The following ABCA3 variants were observed in gnomAD, a reference collection of about 807,000 sequenced individuals.
ABCA3 encodes the protein ATP binding cassette subfamily A member 3, also known as phospholipid-transporting ATPase ABCA3.
A neutral mutation model predicts 172.8 loss-of-function variants in ABCA3; 88 were observed. The ratio of observed to expected loss-of-function variants is 0.51; its 90% CI spans 0.43 to 0.61. ABCA3 has a LOEUF of 0.61. ABCA3 is among the 20% of genes least tolerant of loss of function. The pLI, the probability that ABCA3 is intolerant of heterozygous loss-of-function variation, is 0.00. For missense variants in ABCA3, 2,164 were observed against 2,301.0 expected (o/e 0.94, Z 1.22); for synonymous variants, 1,066 against 983.8 (o/e 1.08, Z -1.56).
intron 19 of ABCA3, 130 bp from the exon 20 acceptor site, chr16:2,289,750 T>C: frequency 1.1e-6 from 1 of 950,968 alleles, no homozygotes; most frequent in Admixed American, 2.3e-5. Context: ...TCTGCTTATG[T>C]GTTTCCTCAC....
intron 20 of ABCA3, chr16:2,289,209 G>A: frequency 1.7e-6 from 1 of 596,280 alleles, no homozygotes; most frequent in South Asian, 2.0e-5. Context: ...TGTTGAGCAG[G>A]GTGCTGTGCC....
At chr16:2,337,776 G>A (rs2093754196) in intron 1 of ABCA3, among the ~76,000 whole-genome samples, 1 of 152,214 alleles carries the variant, frequency 6.6e-6, no homozygotes, top group African/African-American at 2.4e-5. Flanking sequence ...TGGGGAGGCT[G>A]GTTTGAGGCT....
chr16:2,331,720 G>A lies in ABCA3; in HGVS notation c.-538-1866C>T, dbSNP rs541154826. Among the ~76,000 whole-genome samples the A allele has an allele frequency of 5.9e-5, 9 of 152,376 alleles. No individual in the cohort carries two copies. The South Asian group carries it at 1.9e-3, about 32-fold the overall frequency. ...ATGTTCCTTCTGCACTTGACGCCGAGGCGGCAGAGTCTCCAGAAGTGCTGA... is the reference window on the plus strand; with the variant it reads ...ATGTTCCTTCTGCACTTGACGCCGAAGCGGCAGAGTCTCCAGAAGTGCTGA... On this transcript the variant is annotated intron_variant, in intron 1 of 32. Coordinates refer to ENST00000301732, the MANE Select transcript of ABCA3 (RefSeq NM_001089.3).
chr16:2,291,757 G>T (rs982047517), intron 19 of ABCA3, among the ~76,000 whole-genome samples: 1 of 152,190 alleles, frequency 6.6e-6, no homozygotes, highest in Non-Finnish European at 1.5e-5. Flanking sequence ...CATAACCGAG[G>T]TGACTGTTTA....
chr16:2,290,885 T>C (rs897646222), intron 19 of ABCA3, among the ~76,000 whole-genome samples: 1 of 152,188 alleles, frequency 6.6e-6, no homozygotes, highest in African/African-American at 2.4e-5. Flanking sequence ...TTCTTTTTCT[T>C]TTGACACAGG....
rs71148126 is a variant in ABCA3, at chr16:2,293,367, C to CTT, written c.2415-1131_2415-1130dup. 7.1e-3 allele frequency among the ~76,000 whole-genome samples: 736 copies of CTT among 103,354 alleles called. 7 individuals are homozygous for CTT. Among genetic ancestry groups the CTT allele is most frequent in the East Asian group, 9.5e-3 (31 of 3,272 alleles). 67.8% of individuals were successfully genotyped at this position (103,354 alleles called of 152,430 possible). On this transcript the variant is annotated intron_variant, in intron 18 of 32. Coordinates refer to ENST00000301732, the MANE Select transcript of ABCA3 (RefSeq NM_001089.3). ...AAGCTACCGTGCCTGGCCAAAATGC[C>CTT]TTTTTTTTTTTTTTTTTTTTTGGAG...
At chr16:2,338,814 G>A (rs897280098) in intron 1 of ABCA3, among the ~76,000 whole-genome samples, 2 of 149,434 alleles carry the variant, frequency 1.3e-5, no homozygotes, top group Admixed American at 1.3e-4. Context: ...GAGGGCAGTG[G>A]TGCCATCTCA....
rs1310480567 is a variant in ABCA3, at chr16:2,284,116, C to T, written c.3862+163G>A. The stretch of plus-strand genomic sequence containing the variant: ...GGTACAGGGCCTGGGAGCGAGCGGG[C>T]GCGAGGGGGCTGCTGTGGGAGGTGG... On this transcript the variant is annotated intron_variant, in intron 25 of 32. Coordinates refer to ENST00000301732, the MANE Select transcript of ABCA3 (RefSeq NM_001089.3). This position sits in a 1 kb window ranked among gnomAD's most constrained non-coding sequence, Gnocchi z 5.9. 12 of 843,148 alleles carry T rather than the reference C, an allele frequency of 1.4e-5. No homozygotes were observed. The highest frequency in any genetic ancestry group is 2.8e-5 in the East Asian group (1 of 36,292). The allele number at this position is 843,148 out of a possible 1,614,324, so 52.2% of individuals were successfully genotyped here. A position where few individuals can be genotyped will look rare whatever the true frequency, so the allele number is the denominator to read the frequency against.
In ABCA3 at chr16:2,285,654, G is replaced by A. The variant is rs750840099; in HGVS notation, c.3279-8C>T. ...TCGAATCCCTTCCGGCCCCTGCGGG[G>A]GACAGAGAAGGTCAGGGACGGAGCA... is the stretch of plus-strand genomic sequence containing the variant. On this transcript the variant is annotated splice_polypyrimidine_tract_variant and splice_region_variant and intron_variant, in intron 22 of 32. Coordinates refer to ENST00000301732, the MANE Select transcript of ABCA3 (RefSeq NM_001089.3). The surrounding 1 kb of genome is among the most constrained non-coding windows in gnomAD (Gnocchi z 4.7). The A allele has an allele frequency of 6.4e-6, 10 of 1,551,484 alleles. No individual in the cohort carries two copies. In the South Asian group the frequency reaches 7.1e-5, roughly 11 times the overall value.
chr16:2,308,508 G>C lies in ABCA3; in HGVS notation c.1227C>G (p.Leu409=). Residue 409 remains leucine (L), a synonymous_variant, in exon 11 of 33, where the codon CTC becomes CTG. Coordinates refer to ENST00000301732, the MANE Select transcript of ABCA3 (RefSeq NM_001089.3). ...MTLSQKLCSC[L]LSNVAMAMGA... ...CCATTGCCATGGCGACATTAGACAG[G>C]AGGCAGGAGCAGAGCTTCTGGCTCA... is the stretch of plus-strand genomic sequence containing the variant. 6.2e-7 allele frequency: 1 copy of C among 1,614,242 alleles called. No homozygotes were observed. Among genetic ancestry groups the C allele is most frequent in the Non-Finnish European group, 8.5e-7 (1 of 1,180,046 alleles).
At chr16:2,318,956 CTTT>C (rs537374336) in intron 8 of ABCA3, among the ~76,000 whole-genome samples, 1 of 147,586 alleles carries the variant, frequency 6.8e-6, no homozygotes, top group South Asian at 2.1e-4. Flanking sequence ...TATGTGCACA[CTTT>C]TTTTTTTTTC....
At chr16:2,332,186 G>A (rs970161380) in intron 1 of ABCA3, 33 of 349,672 alleles carry the variant, frequency 9.4e-5, no homozygotes, top group Non-Finnish European at 1.4e-4. Context: ...CTCTTCAGGC[G>A]GCCAGTGCTC....
At position 2,277,617 on chromosome 16, in the gene ABCA3, G is replaced by A. The variant is rs764785563; in HGVS notation, c.4963C>T (p.Arg1655Cys). 9 of 1,612,986 alleles carry A rather than the reference G, an allele frequency of 5.6e-6. No individual in the cohort carries two copies. Among genetic ancestry groups the A allele is most frequent in the Admixed American group, 1.7e-5 (1 of 59,992 alleles). ...CTCACCTTCGCCCAGCTGAGGTCACGGCCCGGCAGGTGGTAATGGACCATG... is the reference window on the plus strand; with the variant it reads ...CTCACCTTCGCCCAGCTGAGGTCACAGCCCGGCAGGTGGTAATGGACCATG... The part of the protein sequence containing the change: ...QGMVHYHLPG[R>C]DLSWAKVFGI... The change falls in exon 32 of 33, where the codon CGT becomes TGT. Residue 1655 changes from arginine to cysteine, a missense_variant. Physicochemically the swap from Arg to Cys is radical, Grantham distance 180 (BLOSUM62 -3). Coordinates refer to ENST00000301732, the MANE Select transcript of ABCA3 (RefSeq NM_001089.3). The surrounding 1 kb of genome is among the most constrained non-coding windows in gnomAD (Gnocchi z 5.3).
At chr16:2,326,588 C>G in intron 3 of ABCA3, 96 bp from the exon 4 acceptor site, 1 of 1,310,300 alleles carries the variant, frequency 7.6e-7, no homozygotes, top group East Asian at 2.5e-5. Context: ...TCCTCCATGT[C>G]TCTCACCTTC....
intron 10 of ABCA3, among the ~76,000 whole-genome samples, chr16:2,316,522 A>AAAAAAAAT (rs1371863647): frequency 7.7e-6 from 1 of 129,238 alleles, no homozygotes; most frequent in African/African-American, 2.8e-5. Context: ...AAAAAAAAAA[A>AAAAAAAAT]AAAAAATTAG....
rs368631015 is a variant in ABCA3 at position 2,283,307 on chromosome 16, C to T, written c.3914G>A (p.Arg1305Gln). The T allele has an allele frequency of 5.6e-5, 90 of 1,613,080 alleles. 1 individual carries two copies. Among genetic ancestry groups the T allele is most frequent in the Middle Eastern group, 1.6e-4 (1 of 6,072 alleles). Reference sequence around the variant, plus strand: ...TGAGGCGGCCATGGAGGCCACAAACCGGCCGACCCCCGGGGCGCTCCAGGC... The same window carrying T: ...TGAGGCGGCCATGGAGGCCACAAACTGGCCGACCCCCGGGGCGCTCCAGGC... ...FYAWSAPGVG[R>Q]FVASMAASGC... Residue 1305 changes from arginine to glutamine, a missense_variant, in exon 26 of 33, where the codon CGG becomes CAG. Physicochemically the swap from Arg to Gln is conservative, Grantham distance 43 (BLOSUM62 1). Coordinates refer to ENST00000301732, the MANE Select transcript of ABCA3 (RefSeq NM_001089.3). This position sits in a 1 kb window ranked among gnomAD's most constrained non-coding sequence, Gnocchi z 5.4.
rs199765620 is a variant in ABCA3, at chr16:2,317,656, A to G, written c.982T>C (p.Cys328Arg). 27 of 1,614,190 alleles carry G rather than the reference A, an allele frequency of 1.7e-5. No homozygotes were observed. The East Asian group carries it at 5.1e-4, about 31-fold the overall frequency. ...IAASFMTLLF[C>R]VKVKPNVAVL... is the part of the protein sequence containing the mutation. Reference sequence around the variant, plus strand: ...ACCGACGCCATGCTCACCTTGACACAGAAGAGCAGGGTCATGAAGGAGGCG... The same window carrying G: ...ACCGACGCCATGCTCACCTTGACACGGAAGAGCAGGGTCATGAAGGAGGCG... The change falls in exon 9 of 33, where the codon TGT becomes CGT. Residue 328 changes from cysteine (C) to arginine (R), a missense_variant. Around this residue, in one of 3 missense-constraint regions of ABCA3, gnomAD observed 1,343 missense variants for 1,369.6 expected, o/e 0.98. Coordinates refer to ENST00000301732, the MANE Select transcript of ABCA3 (RefSeq NM_001089.3).
chr16:2,340,263 G>A (rs2093758583), intron 1 of ABCA3, among the ~76,000 whole-genome samples: 1 of 152,162 alleles, frequency 6.6e-6, no homozygotes, highest in Non-Finnish European at 1.5e-5. Flanking sequence ...TCTCCGCAGG[G>A]TCGAGCTTCC....
intron 10 of ABCA3, among the ~76,000 whole-genome samples, chr16:2,315,995 T>C (rs2093714805): frequency 6.6e-6 from 1 of 151,098 alleles, no homozygotes; most frequent in African/African-American, 2.4e-5. Context: ...TTAGGTTTTC[T>C]TTAATAATAA....
Sources: allele counts gnomAD v4.1 joint callset (sites outside exome capture counted in the v4.1 genomes callset), GRCh38; gene constraint gnomAD v4.1.1; regional missense constraint gnomAD v4.1.1; non-coding constraint Gnocchi (gnomAD v3.1); transcripts MANE v1.5; gene names NCBI Gene and HGNC (gene_info 2026-07-23, HGNC 2026-07-21).